Variants in VPS13B observed in about 807,000 individuals in gnomAD.
VPS13B encodes vacuolar protein sorting 13 homolog B.
VPS13B carries 285 observed loss-of-function variants against 426.4 expected under a neutral mutation model. That is an observed-to-expected ratio of 0.67 (90% CI 0.61 to 0.74). VPS13B has a LOEUF of 0.74. Among genes scored for constraint, VPS13B ranks in the 30% least tolerant of loss-of-function variants. The pLI is 0.00. For missense variants in VPS13B, 4,537 were observed against 4,782.6 expected (o/e 0.95, Z 1.51); for synonymous variants, 1,676 against 1,676.4 (o/e 1.00, Z 0.01).
At position 99,425,618 on chromosome 8, in the gene VPS13B, G is replaced by A. The variant is rs1397148009; in HGVS notation, c.3083-5919G>A. ...ACCCACAGCCAATATCATACTGAAT[G>A]GGCAAAAACTGGAAGCATTCCCTTT... is the stretch of plus-strand genomic sequence containing the variant. On this transcript the variant is annotated intron_variant, in intron 21 of 61. Transcript: ENST00000357162. Among the ~76,000 whole-genome samples, 9 of 152,242 alleles carry A rather than the reference G, an allele frequency of 5.9e-5. 1 individual carries two copies. The highest frequency in any genetic ancestry group is 2.2e-4 in the African/African-American group (9 of 41,552).
intron 33 of VPS13B, among the ~76,000 whole-genome samples, chr8:99,612,384 G>A (rs901483091): frequency 1.7e-4 from 26 of 152,168 alleles, no homozygotes; most frequent in African/African-American, 5.8e-4. Flanking sequence ...AATATCTATG[G>A]TGGTGAAATA....
chr8:99,381,842 C>CCCATTCTG (rs1414562335), intron 19 of VPS13B, among the ~76,000 whole-genome samples: 1 of 151,856 alleles, frequency 6.6e-6, no homozygotes, highest in Non-Finnish European at 1.5e-5. Context: ...AAAATTTTCT[C>CCCATTCTG]CCATTCTGGC....
At chr8:99,608,816 G>A (rs544479652) in intron 33 of VPS13B, among the ~76,000 whole-genome samples, 11 of 152,014 alleles carry the variant, frequency 7.2e-5, no homozygotes, top group African/African-American at 2.7e-4. Context: ...CTACGTTTTA[G>A]CCTGTATCAG....
chr8:99,248,258 A>G (rs539991801), intron 17 of VPS13B, among the ~76,000 whole-genome samples: 1 of 152,214 alleles, frequency 6.6e-6, no homozygotes, highest in South Asian at 2.1e-4. Context: ...GACTTTTTTC[A>G]GGGAAAGAGG....
intron 19 of VPS13B, among the ~76,000 whole-genome samples, chr8:99,367,412 C>T (rs2133252860): frequency 6.6e-6 from 1 of 152,214 alleles, no homozygotes; most frequent in South Asian, 2.1e-4. Context: ...TTTTCTATTG[C>T]TTTTAGGATC....
At chr8:99,145,551 A>G (rs1485889025) in intron 13 of VPS13B, among the ~76,000 whole-genome samples, 1 of 129,092 alleles carries the variant, frequency 7.7e-6, no homozygotes, top group Non-Finnish European at 1.7e-5. Context: ...CAACAGTGTT[A>G]AATAAGTGAA....
At chr8:99,718,797 C>T (rs1299983295) in intron 37 of VPS13B, among the ~76,000 whole-genome samples, 3 of 151,534 alleles carry the variant, frequency 2.0e-5, no homozygotes, top group Non-Finnish European at 4.4e-5. Context: ...CTCCCGAGTA[C>T]CCAGGACCAC....
chr8:99,190,309 C>T lies in VPS13B; in HGVS notation c.2334-2567C>T, dbSNP rs535457330. On this transcript the variant is annotated intron_variant, in intron 16 of 61. Coordinates refer to ENST00000357162, the MANE Select transcript of VPS13B (RefSeq NM_152564.5). ...CCTATCCCCTTAATTTTTAACCTAT[C>T]TACTTTATTATTTAAAGTGGATATA... 8.6e-5 allele frequency among the ~76,000 whole-genome samples: 13 copies of T among 150,398 alleles called. No individual in the cohort carries two copies. The South Asian group carries it at 2.5e-3, about 29-fold the overall frequency.
intron 29 of VPS13B, among the ~76,000 whole-genome samples, chr8:99,514,800 C>T (rs1821970909): frequency 6.6e-6 from 1 of 152,076 alleles, no homozygotes; most frequent in Non-Finnish European, 1.5e-5. Context: ...GGGTGTACAC[C>T]TAAGAGTGGA....
intron 6 of VPS13B, among the ~76,000 whole-genome samples, chr8:99,113,908 A>G (rs1847512900): frequency 6.6e-6 from 1 of 151,942 alleles, no homozygotes; most frequent in African/African-American, 2.4e-5. Flanking sequence ...TTTTGAATGT[A>G]TTTATATGTT....
intron 35 of VPS13B, among the ~76,000 whole-genome samples, chr8:99,672,933 G>A (rs1397272049): frequency 2.6e-5 from 4 of 152,048 alleles, no homozygotes; most frequent in Non-Finnish European, 1.5e-5. Context: ...CTGTTAATGT[G>A]ATGTATCACA....
intron 39 of VPS13B, among the ~76,000 whole-genome samples, chr8:99,726,013 A>T (rs1229212288): frequency 6.6e-6 from 1 of 152,224 alleles, no homozygotes; most frequent in African/African-American, 2.4e-5. Flanking sequence ...GAGTTGGCTT[A>T]TAATACAGAA....
intron 2 of VPS13B, among the ~76,000 whole-genome samples, chr8:99,032,333 A>G (rs921025276): frequency 6.6e-6 from 1 of 151,942 alleles, no homozygotes; most frequent in Non-Finnish European, 1.5e-5. Context: ...GAAGTTTTTA[A>G]TCTGTTCACT....
chr8:99,083,440 C>T (rs1345220747), intron 3 of VPS13B, among the ~76,000 whole-genome samples: 2 of 151,938 alleles, frequency 1.3e-5, no homozygotes, highest in African/African-American at 2.4e-5. Context: ...TAATTGAATA[C>T]CCTTTATTTC....
At chr8:99,479,251 C>A (rs570568597) in intron 24 of VPS13B, among the ~76,000 whole-genome samples, 4 of 152,178 alleles carry the variant, frequency 2.6e-5, no homozygotes, top group African/African-American at 9.6e-5. Flanking sequence ...CTTTTCTCAG[C>A]CTCTCCAGTG....
intron 3 of VPS13B, among the ~76,000 whole-genome samples, chr8:99,095,238 T>C (rs970399385): frequency 3.9e-5 from 6 of 152,208 alleles, no homozygotes; most frequent in East Asian, 1.9e-4. Context: ...GGACTAAGAA[T>C]ATCTCTATAG....
chr8:99,772,718 A>G (rs1811569751), intron 40 of VPS13B, among the ~76,000 whole-genome samples: 2 of 152,208 alleles, frequency 1.3e-5, no homozygotes, highest in Admixed American at 1.3e-4. Flanking sequence ...CTGGATTACA[A>G]TAAAAGTGTG....
intron 6 of VPS13B, among the ~76,000 whole-genome samples, chr8:99,113,108 C>G (rs1245210190): frequency 6.8e-6 from 1 of 147,038 alleles, no homozygotes; most frequent in Non-Finnish European, 1.5e-5. Flanking sequence ...TTTCTTTCTC[C>G]TTTTTTCTTT....
At position 99,109,626 on chromosome 8, in the gene VPS13B, G is replaced by C. The variant is rs898043607; in HGVS notation, c.581-1472G>C. On this transcript the variant is annotated intron_variant, in intron 5 of 61. Transcript: ENST00000357162. ...TTGAACTCCTGGCCTCAAGCAATCC[G>C]CCTAGGCCTCCCAAAGTGCTGGGAT... Among the ~76,000 whole-genome samples the C allele has an allele frequency of 2.6e-5, 4 of 152,168 alleles. No homozygotes were observed. In the East Asian group the frequency reaches 7.7e-4, roughly 29 times the overall value.
Sources: gnomAD v4.1 joint callset for allele counts (sites outside exome capture counted in the v4.1 genomes callset) on GRCh38, gnomAD v4.1.1 for gene constraint, MANE v1.5 for transcripts, NCBI Gene and HGNC (gene_info 2026-07-23, HGNC 2026-07-21) for gene names.